Variants in MMP26 observed in about 807,000 individuals in gnomAD.
MMP26 encodes the protein matrix metalloproteinase-26.
A neutral mutation model predicts 31.0 loss-of-function variants in MMP26; 33 were observed. That is an observed-to-expected ratio of 1.06 (90% CI 0.81 to 1.42). The LOEUF is 1.42. Among genes scored for constraint, MMP26 ranks in the 40% most tolerant of loss-of-function variants. The pLI, the probability that MMP26 is intolerant of heterozygous loss-of-function variation, is 0.00. For missense variants in MMP26, 347 were observed against 316.1 expected, an observed-to-expected ratio of 1.10 and a Z score of -0.74; for synonymous variants, 122 against 114.9, an observed-to-expected ratio of 1.06 and a Z score of -0.40.
intron 1 of MMP26, among the ~76,000 whole-genome samples, chr11:4,761,810 A>G (rs1220340663): frequency 1.3e-5 from 2 of 152,194 alleles, no homozygotes; most frequent in African/African-American, 4.8e-5. Context: ...GTAATAGCAT[A>G]ATGCCAGTTC....
chr11:4,768,962 A>G (rs774461027), intron 2 of MMP26: 2 of 1,478,080 alleles, frequency 1.4e-6, no homozygotes, highest in South Asian at 3.0e-5. Context: ...GTTTGTATCA[A>G]ATAAAACTAT....
chr11:4,888,414 A>G (rs780563514), intron 2 of MMP26, among the ~76,000 whole-genome samples: 1 of 152,134 alleles, frequency 6.6e-6, no homozygotes, highest in Non-Finnish European at 1.5e-5. Context: ...CATTATTTCT[A>G]AGCTTCTAGT....
At chr11:4,781,604 A>C (rs1229250394) in intron 2 of MMP26, among the ~76,000 whole-genome samples, 4 of 145,356 alleles carry the variant, frequency 2.8e-5, no homozygotes, top group East Asian at 4.1e-4. Flanking sequence ...AAAAAAAAAA[A>C]AAACTGATTG....
At chr11:4,706,888 T>G (rs1272866517) in intron 1 of MMP26, among the ~76,000 whole-genome samples, 1 of 152,216 alleles carries the variant, frequency 6.6e-6, no homozygotes, top group Non-Finnish European at 1.5e-5. Context: ...GGTTCATCCA[T>G]GTTGTAGCAT....
At chr11:4,939,425 G>C (rs1327693639) in intron 2 of MMP26, among the ~76,000 whole-genome samples, 1 of 152,032 alleles carries the variant, frequency 6.6e-6, no homozygotes, top group Non-Finnish European at 1.5e-5. Flanking sequence ...AAATGTATTA[G>C]CCCTTCTTAA....
At chr11:4,909,774 T>G (rs988869959) in intron 2 of MMP26, among the ~76,000 whole-genome samples, 2 of 152,168 alleles carry the variant, frequency 1.3e-5, no homozygotes, top group Non-Finnish European at 2.9e-5. Flanking sequence ...ACAGCTAAAA[T>G]GCTTCAGTAG....
At chr11:4,970,298 T>C (rs1410702685) in intron 2 of MMP26, among the ~76,000 whole-genome samples, 1 of 152,236 alleles carries the variant, frequency 6.6e-6, no homozygotes, top group African/African-American at 2.4e-5. Context: ...GGAATTCTTA[T>C]GATTTTCTTT....
intron 2 of MMP26, among the ~76,000 whole-genome samples, chr11:4,972,658 A>G (rs1055660752): frequency 2.0e-5 from 3 of 151,812 alleles, no homozygotes; most frequent in East Asian, 1.9e-4. Flanking sequence ...TCAAATTAAC[A>G]TAGACAATAT....
Position 4,954,910 on chromosome 11 carries a change from A to G in MMP26, c.-144-33158A>G, listed in dbSNP as rs760537919. ...TGAGAACATTAATGAGGGGAGAGAC[A>G]TGCCCGGCAAAGCGGTGGACAACGG... is the stretch of plus-strand genomic sequence containing the variant. On this transcript the variant is annotated intron_variant, in intron 2 of 7. Coordinates refer to ENST00000380390, the MANE Select transcript of MMP26 (RefSeq NM_021801.5). 7.9e-6 allele frequency: 9 copies of G among 1,142,458 alleles called. 2 individuals carry two copies. In the South Asian group the frequency reaches 1.1e-4, roughly 14 times the overall value. The allele number at this position is 1,142,458 out of a possible 1,614,324, so 70.8% of individuals were successfully genotyped here.
chr11:4,742,271 A>T (rs1848324736), intron 1 of MMP26, among the ~76,000 whole-genome samples: 1 of 152,362 alleles, frequency 6.6e-6, no homozygotes, highest in Admixed American at 6.5e-5. Context: ...CTAGAGGACA[A>T]AGACAAGTAT....
chr11:4,934,949 A>G (rs1031938640), intron 2 of MMP26, among the ~76,000 whole-genome samples: 52 of 151,790 alleles, frequency 3.4e-4, no homozygotes, highest in African/African-American at 1.3e-3. Context: ...CTGTTTTGTT[A>G]CCAGTACCAT....
chr11:4,854,098 G>C (rs1249476364), intron 2 of MMP26, among the ~76,000 whole-genome samples: 3 of 152,136 alleles, frequency 2.0e-5, no homozygotes, highest in Non-Finnish European at 2.9e-5. Context: ...AATAAGGAGG[G>C]TTCCAAGATG....
chr11:4,915,054 C>T lies in MMP26; in HGVS notation c.-144-73014C>T, dbSNP rs143332268. 2,422 of 1,613,804 alleles carry T rather than the reference C, an allele frequency of 1.5e-3. 1 individual carries two copies. Among genetic ancestry groups the T allele is most frequent in the Middle Eastern group, 2.0e-3 (12 of 6,062 alleles). ...ACTGTAGAGACGATGACAAACATGC[C>T]GTAGATGCTGTTGGCCTTCATGTCG... On this transcript the variant is annotated intron_variant, in intron 2 of 7. Transcript: ENST00000380390.
chr11:4,768,303 A>G (rs1403580881), intron 2 of MMP26, among the ~76,000 whole-genome samples: 1 of 152,170 alleles, frequency 6.6e-6, no homozygotes, highest in African/African-American at 2.4e-5. Flanking sequence ...GGACTGTCCA[A>G]CACTGGATAG....
chr11:4,741,199 A>G (rs928622043), intron 1 of MMP26, among the ~76,000 whole-genome samples: 1 of 152,128 alleles, frequency 6.6e-6, no homozygotes, highest in African/African-American at 2.4e-5. Context: ...TGTTTTTGTC[A>G]GTTTTGTGAA....
intron 1 of MMP26, among the ~76,000 whole-genome samples, chr11:4,734,981 C>T (rs1848220613): frequency 6.6e-6 from 1 of 152,220 alleles, no homozygotes; most frequent in Non-Finnish European, 1.5e-5. Flanking sequence ...AAGGGAGTCA[C>T]TGACCTCTTG....
intron 2 of MMP26, among the ~76,000 whole-genome samples, chr11:4,797,950 T>A (rs1849129206): frequency 6.6e-6 from 1 of 152,230 alleles, no homozygotes; most frequent in Admixed American, 6.5e-5. Context: ...CAAAAGGTGC[T>A]ACTTATGTTA....
Position 4,949,499 on chromosome 11 carries a change from G to A in MMP26, c.-144-38569G>A, listed in dbSNP as rs1168747919. Among the ~76,000 whole-genome samples, 5 of 122,364 alleles carry A rather than the reference G, an allele frequency of 4.1e-5. 2 individuals are homozygous for A. Among genetic ancestry groups the A allele is most frequent in the South Asian group, 4.9e-4 (2 of 4,116 alleles). The allele number at this position is 122,364 out of a possible 152,430, so 80.3% of individuals were successfully genotyped here. On this transcript the variant is annotated intron_variant, in intron 2 of 7. Transcript: ENST00000380390. The stretch of plus-strand genomic sequence containing the variant: ...TGCAAATCAGTTGAGGTTTCTCTTG[G>A]CCCCATATACTGAAATAATAGTGAA...
chr11:4,921,806 G>A (rs553771378), intron 2 of MMP26, among the ~76,000 whole-genome samples: 68 of 152,238 alleles, frequency 4.5e-4, no homozygotes, highest in Non-Finnish European at 7.8e-4. Flanking sequence ...CTCTAAAATA[G>A]ATCTTTATTA....
Sources: allele counts gnomAD v4.1 joint callset (sites outside exome capture counted in the v4.1 genomes callset), GRCh38; gene constraint gnomAD v4.1.1; transcripts MANE v1.5; gene names NCBI Gene and HGNC (gene_info 2026-07-23, HGNC 2026-07-21).